Variants in WWOX observed in about 807,000 individuals in gnomAD.
WWOX encodes the protein WW domain-containing oxidoreductase.
WWOX carries 69 observed loss-of-function variants against 46.2 expected under a neutral mutation model. The observed-to-expected ratio is 1.49, with a 90% CI of 1.23 to 1.82. The LOEUF is 1.82. Ranked by LOEUF, WWOX falls within the 40% of genes most tolerant of loss-of-function variation. WWOX has a pLI of 0.00. For synonymous variants in WWOX, 359 were observed against 202.6 expected (o/e 1.77, Z -6.56); for missense variants, 919 against 542.6 (o/e 1.69, Z -6.89).
At chr16:78,762,005 A>G (rs961308814) in intron 8 of WWOX, among the ~76,000 whole-genome samples, 1 of 152,182 alleles carries the variant, frequency 6.6e-6, no homozygotes, top group African/African-American at 2.4e-5. Flanking sequence ...CAACAAGTAA[A>G]TATCATGAGA....
chr16:78,805,184 G>A (rs1205742814), intron 8 of WWOX, among the ~76,000 whole-genome samples: 1 of 152,188 alleles, frequency 6.6e-6, no homozygotes, highest in East Asian at 1.9e-4. Context: ...ACCAAGAAAG[G>A]AAAAGTGTAT....
chr16:78,857,422 C>G (rs1251809517), intron 8 of WWOX, among the ~76,000 whole-genome samples: 1 of 152,130 alleles, frequency 6.6e-6, no homozygotes, highest in African/African-American at 2.4e-5. Flanking sequence ...TGAATCTGGT[C>G]TGGAATAGAA....
intron 8 of WWOX, among the ~76,000 whole-genome samples, chr16:78,638,163 A>G (rs910618414): frequency 5.3e-5 from 8 of 152,126 alleles, no homozygotes; most frequent in Admixed American, 2.0e-4. Flanking sequence ...CATGGCAATT[A>G]TTTTACATGA....
chr16:78,489,566 T>C (rs2084727635), intron 8 of WWOX, among the ~76,000 whole-genome samples: 1 of 152,188 alleles, frequency 6.6e-6, no homozygotes. Flanking sequence ...AAATGTTACA[T>C]GTTTGAGCAT....
chr16:78,503,559 G>A (rs1327043140), intron 8 of WWOX: 2 of 152,068 alleles, frequency 1.3e-5, no homozygotes, highest in African/African-American at 4.8e-5. Context: ...CATAATTGAT[G>A]TGCCATGATC....
At chr16:78,555,196 G>C (rs1458288641) in intron 8 of WWOX, among the ~76,000 whole-genome samples, 1 of 138,868 alleles carries the variant, frequency 7.2e-6, no homozygotes, top group African/African-American at 2.6e-5. Context: ...AAAAATTCTA[G>C]TTTCTCAGAA....
intron 5 of WWOX, among the ~76,000 whole-genome samples, chr16:78,247,622 C>T (rs894888257): frequency 2.6e-5 from 4 of 152,200 alleles, no homozygotes; most frequent in Admixed American, 6.5e-5. Flanking sequence ...ACACCTGCCC[C>T]CTGCCCCTTA....
At chr16:78,939,751 C>G (rs147165252) in intron 8 of WWOX, among the ~76,000 whole-genome samples, 3,126 of 152,310 alleles carry the variant, frequency 0.021, 54 homozygotes, top group South Asian at 0.063. Context: ...GGTAACCCAG[C>G]CCCTTTTAAT....
chr16:78,832,551 C>G (rs934690705), intron 8 of WWOX, among the ~76,000 whole-genome samples: 6 of 152,172 alleles, frequency 3.9e-5, no homozygotes, highest in Non-Finnish European at 8.8e-5. Flanking sequence ...CACCCTGACT[C>G]TCCTAACACC....
intron 5 of WWOX, among the ~76,000 whole-genome samples, chr16:78,322,596 C>T (rs1454022392): frequency 6.6e-6 from 1 of 152,208 alleles, no homozygotes; most frequent in Admixed American, 6.5e-5. Context: ...AATTCAAACC[C>T]AGGTAGACCT....
intron 8 of WWOX, among the ~76,000 whole-genome samples, chr16:78,449,024 A>G (rs1419388830): frequency 6.6e-6 from 1 of 152,184 alleles, no homozygotes; most frequent in African/African-American, 2.4e-5. Context: ...CAGTGTTATT[A>G]CAGGGTAGAA....
intron 8 of WWOX, among the ~76,000 whole-genome samples, chr16:78,894,454 A>G (rs1238760325): frequency 6.6e-6 from 1 of 152,162 alleles, no homozygotes; most frequent in African/African-American, 2.4e-5. Flanking sequence ...TTTTGTCTAA[A>G]TTATTGTTTG....
intron 8 of WWOX, among the ~76,000 whole-genome samples, chr16:78,731,941 G>A (rs1329085945): frequency 1.3e-5 from 2 of 149,134 alleles, no homozygotes; most frequent in South Asian, 2.1e-4. Context: ...TTGAACTCTG[G>A]GCTCAATTGA....
At chr16:78,753,297 C>T (rs907259197) in intron 8 of WWOX, among the ~76,000 whole-genome samples, 20 of 151,546 alleles carry the variant, frequency 1.3e-4, no homozygotes, top group Middle Eastern at 3.4e-3. Flanking sequence ...CCAGCCTGAG[C>T]GACAGAGTGA....
chr16:78,114,909 A>T, intron 3 of WWOX, 67 bp from the exon 4 acceptor site: 2 of 1,606,506 alleles, frequency 1.2e-6, no homozygotes, highest in Non-Finnish European at 1.7e-6. Flanking sequence ...CTAAAGTATA[A>T]GATTGTCTTA....
intron 8 of WWOX, among the ~76,000 whole-genome samples, chr16:78,883,697 C>T (rs778620104): frequency 1.3e-5 from 2 of 150,128 alleles, no homozygotes. Flanking sequence ...GTACTCCAGC[C>T]TGGGCAACAG....
chr16:78,575,596 T>C (rs1255243487), intron 8 of WWOX, among the ~76,000 whole-genome samples: 3 of 152,166 alleles, frequency 2.0e-5, no homozygotes, highest in African/African-American at 7.2e-5. Context: ...TCTTAAGTCG[T>C]GCATTTGACG....
At chr16:79,037,200 C>G (rs1461603796) in intron 8 of WWOX, among the ~76,000 whole-genome samples, 1 of 152,138 alleles carries the variant, frequency 6.6e-6, no homozygotes, top group Non-Finnish European at 1.5e-5. Context: ...AGTCTTGGCC[C>G]TGTAATTGCC....
intron 8 of WWOX, among the ~76,000 whole-genome samples, chr16:78,794,928 C>G (rs911695588): frequency 6.6e-6 from 1 of 152,226 alleles, no homozygotes; most frequent in Non-Finnish European, 1.5e-5. Flanking sequence ...GCCTGGCATA[C>G]TGCAAATATC....
Sources: allele counts gnomAD v4.1 joint callset (sites outside exome capture counted in the v4.1 genomes callset), GRCh38; gene constraint gnomAD v4.1.1; transcripts MANE v1.5; gene names NCBI Gene and HGNC (gene_info 2026-07-23, HGNC 2026-07-21).